Variants in PLCB1 observed in about 807,000 individuals in gnomAD.
PLCB1 encodes the protein 1-phosphatidylinositol 4,5-bisphosphate phosphodiesterase beta-1.
Under a neutral mutation model 161.8 loss-of-function variants are expected in PLCB1, and 46 were observed. The observed-to-expected ratio is 0.28, with a 90% CI of 0.22 to 0.36. PLCB1 has a LOEUF of 0.36. Among genes scored for constraint, PLCB1 ranks in the 10% least tolerant of loss-of-function variants. The pLI is 1.00. For missense variants in PLCB1, 1,016 were observed against 1,472.5 expected (o/e 0.69, Z 5.07); for synonymous variants, 517 against 503.7 (o/e 1.03, Z -0.35).
At position 8,797,743 on chromosome 20, in the gene PLCB1, C is replaced by T. The variant is rs572353173; in HGVS notation, c.3423+7482C>T. On this transcript the variant is annotated intron_variant, in intron 31 of 31. Transcript: ENST00000338037. Reference sequence around the variant, plus strand: ...TCAGCTCTTGACTGTAGGCTCCTCACCTTTCAAGGCTATCAAAGGGTGAAC... The same window carrying T: ...TCAGCTCTTGACTGTAGGCTCCTCATCTTTCAAGGCTATCAAAGGGTGAAC... Among the ~76,000 whole-genome samples the T allele has an allele frequency of 8.5e-5, 13 of 152,340 alleles. No individual in the cohort carries two copies. The South Asian group carries it at 1.9e-3, about 22-fold the overall frequency.
chr20:8,603,281 C>A (rs1987652166), intron 3 of PLCB1, among the ~76,000 whole-genome samples: 1 of 152,136 alleles, frequency 6.6e-6, no homozygotes, highest in African/African-American at 2.4e-5. Flanking sequence ...AATCAAGTAA[C>A]CCTCTTTTAT....
chr20:8,145,943 G>T (rs552196948), intron 1 of PLCB1, among the ~76,000 whole-genome samples: 2 of 152,160 alleles, frequency 1.3e-5, no homozygotes, highest in South Asian at 4.1e-4. Flanking sequence ...CTCAGCAGTC[G>T]CATTTCAAGT....
At chr20:8,225,749 G>C (rs1254138640) in intron 2 of PLCB1, among the ~76,000 whole-genome samples, 1 of 152,212 alleles carries the variant, frequency 6.6e-6, no homozygotes. Flanking sequence ...AGAAAGCCAA[G>C]GTTGTTCTCA....
At chr20:8,471,207 C>A (rs1379195619) in intron 3 of PLCB1, among the ~76,000 whole-genome samples, 1 of 152,140 alleles carries the variant, frequency 6.6e-6, no homozygotes, top group Non-Finnish European at 1.5e-5. Context: ...CTTAATAAGT[C>A]TGGAGAACCA....
intron 3 of PLCB1, among the ~76,000 whole-genome samples, chr20:8,527,725 T>G (rs945533253): frequency 6.6e-6 from 1 of 152,188 alleles, no homozygotes; most frequent in East Asian, 1.9e-4. Flanking sequence ...TACGTAAAAA[T>G]TCATCAAGCT....
chr20:8,784,910 G>T (rs1318394606), intron 27 of PLCB1, among the ~76,000 whole-genome samples: 9 of 152,184 alleles, frequency 5.9e-5, no homozygotes, highest in Non-Finnish European at 1.3e-4. Flanking sequence ...CTGAGGTCGG[G>T]TCCAGTGTAG....
Position 8,737,024 on chromosome 20 carries a change from C to T in PLCB1, c.2044-4C>T. On this transcript the variant is annotated splice_polypyrimidine_tract_variant and splice_region_variant and intron_variant, in intron 19 of 31. Coordinates refer to ENST00000338037, the MANE Select transcript of PLCB1 (RefSeq NM_015192.4). ...ATGGATTGATTGATTTATTGATTTT[C>T]TAGATTATTTCAGGTCAGTTTCTTT... 6.2e-7 allele frequency: 1 copy of T among 1,604,214 alleles called. No individual in the cohort carries two copies. The highest frequency in any genetic ancestry group is 8.5e-7 in the Non-Finnish European group (1 of 1,172,278).
chr20:8,824,016 C>A lies in PLCB1; in HGVS notation c.3423+33755C>A, dbSNP rs573252316. ...CCCACTATACTTCTCTCTATCCCGC[C>A]TTGGGGAATCAGTTTAACATCTTAT... is the stretch of plus-strand genomic sequence containing the variant. On this transcript the variant is annotated intron_variant, in intron 31 of 31. Coordinates refer to ENST00000338037, the MANE Select transcript of PLCB1 (RefSeq NM_015192.4). Among the ~76,000 whole-genome samples the A allele has an allele frequency of 4.6e-5, 7 of 152,188 alleles. No individual in the cohort carries two copies. In the South Asian group the frequency reaches 1.0e-3, roughly 23 times the overall value.
At chr20:8,747,593 C>A (rs1221390852) in intron 23 of PLCB1, among the ~76,000 whole-genome samples, 3 of 152,126 alleles carry the variant, frequency 2.0e-5, no homozygotes, top group African/African-American at 7.2e-5. Context: ...TGTGAGTGAG[C>A]TGAAATTCAT....
chr20:8,763,378 T>TTTTATTTA (rs535363380), intron 25 of PLCB1, among the ~76,000 whole-genome samples: 51 of 151,682 alleles, frequency 3.4e-4, no homozygotes, highest in African/African-American at 1.1e-3. Context: ...ATTTTTGCAT[T>TTTTATTTA]TTTATTTATT....
intron 3 of PLCB1, among the ~76,000 whole-genome samples, chr20:8,505,377 T>C (rs910710947): frequency 6.6e-6 from 1 of 152,162 alleles, no homozygotes; most frequent in African/African-American, 2.4e-5. Flanking sequence ...AAACATAGGC[T>C]GGGATGTAAG....
chr20:8,652,903 A>G (rs1253627290), intron 7 of PLCB1: 2 of 152,116 alleles, frequency 1.3e-5, no homozygotes, highest in Non-Finnish European at 2.9e-5. Context: ...AAAGAGAGAG[A>G]CAAAGCAATT....
chr20:8,323,684 A>G (rs1985015400), intron 2 of PLCB1, among the ~76,000 whole-genome samples: 1 of 152,164 alleles, frequency 6.6e-6, no homozygotes, highest in Non-Finnish European at 1.5e-5. Context: ...GCAAGTCACT[A>G]AAGCAGCCTA....
intron 2 of PLCB1, among the ~76,000 whole-genome samples, chr20:8,330,858 A>G (rs540334388): frequency 1.3e-5 from 2 of 152,334 alleles, no homozygotes; most frequent in African/African-American, 2.4e-5. Context: ...TGTAAAATAC[A>G]ATGAACTATG....
chr20:8,633,814 T>G (rs911927870), intron 4 of PLCB1, among the ~76,000 whole-genome samples: 10 of 152,294 alleles, frequency 6.6e-5, no homozygotes, highest in Middle Eastern at 3.4e-3. Context: ...CACCTCTATA[T>G]CGGCAGTTAA....
At chr20:8,777,485 G>A (rs1033023220) in intron 27 of PLCB1, among the ~76,000 whole-genome samples, 4 of 152,058 alleles carry the variant, frequency 2.6e-5, no homozygotes, top group Non-Finnish European at 4.4e-5. Context: ...TTGGGATGCC[G>A]AGGCAGGTGG....
intron 2 of PLCB1, among the ~76,000 whole-genome samples, chr20:8,247,705 A>G (rs1327110753): frequency 6.6e-6 from 1 of 151,826 alleles, no homozygotes; most frequent in Non-Finnish European, 1.5e-5. Context: ...TAAATGCTCA[A>G]TATTTTTTTA....
intron 31 of PLCB1, among the ~76,000 whole-genome samples, chr20:8,853,512 T>C (rs955643932): frequency 6.6e-6 from 1 of 152,236 alleles, no homozygotes; most frequent in African/African-American, 2.4e-5. Context: ...TTTGTTGTTG[T>C]AGATAGCTGT....
At chr20:8,267,045 A>T (rs549215589) in intron 2 of PLCB1, among the ~76,000 whole-genome samples, 17 of 151,854 alleles carry the variant, frequency 1.1e-4, no homozygotes, top group African/African-American at 4.1e-4. Flanking sequence ...CTAAAAAAAA[A>T]AAAAGGGAAA....
Sources: gnomAD v4.1 joint callset for allele counts (sites outside exome capture counted in the v4.1 genomes callset) on GRCh38, gnomAD v4.1.1 for gene constraint, MANE v1.5 for transcripts, NCBI Gene and HGNC (gene_info 2026-07-23, HGNC 2026-07-21) for gene names.